POLB: variants seen among roughly 807,000 people sequenced by gnomAD.
POLB encodes 5'-dRP lyase.
A neutral mutation model predicts 52.7 loss-of-function variants in POLB; 37 were observed. The ratio of observed to expected loss-of-function variants is 0.70; its 90% CI spans 0.54 to 0.92. The LOEUF is 0.92. Among genes scored for constraint, POLB ranks in the 40% least tolerant of loss-of-function variants. The pLI is 0.00. For missense variants in POLB, 313 were observed against 400.8 expected, an observed-to-expected ratio of 0.78 and a Z score of 1.87; for synonymous variants, 138 against 131.3, an observed-to-expected ratio of 1.05 and a Z score of -0.35.
intron 13 of POLB, chr8:42,370,296 A>G (rs550042266): frequency 5.2e-4 from 207 of 398,774 alleles, no homozygotes; most frequent in Admixed American, 8.6e-4. Context: ...CTGTTGTTTA[A>G]TGTACCTCTA....
At chr8:42,361,516 C>A (rs921342908) in intron 10 of POLB, 151 bp downstream of exon 10, 1 of 624,776 alleles carries the variant, frequency 1.6e-6, no homozygotes. Context: ...CTGCGAAAGG[C>A]AAATTTCTCG....
At chr8:42,350,199 A>G (rs970591090) in intron 5 of POLB, 134 bp downstream of exon 5, 21 of 696,196 alleles carry the variant, frequency 3.0e-5, no homozygotes, top group Admixed American at 2.9e-4. Flanking sequence ...TCACCCTTCC[A>G]TAGCTTATGA....
At chr8:42,347,317 A>G (rs1005494740) in intron 3 of POLB, among the ~76,000 whole-genome samples, 2 of 132,402 alleles carry the variant, frequency 1.5e-5, no homozygotes, top group Non-Finnish European at 3.3e-5. Context: ...AAATTATTCT[A>G]GAATTACTCC....
chr8:42,355,724 C>T (rs1041884081), intron 7 of POLB, among the ~76,000 whole-genome samples, 157 bp downstream of exon 7: 3 of 152,192 alleles, frequency 2.0e-5, no homozygotes, highest in Non-Finnish European at 4.4e-5. Flanking sequence ...AGAGTATCTG[C>T]CTGTGTTCAC....
chr8:42,349,898 A>G (rs1297394907), intron 4 of POLB, 109 bp from the exon 5 acceptor site: 1 of 758,576 alleles, frequency 1.3e-6, no homozygotes, highest in Non-Finnish European at 2.3e-6. Flanking sequence ...CACCCAGGCA[A>G]ATGTAAATAG....
At chr8:42,344,828 A>T in intron 2 of POLB, 125 bp from the exon 3 acceptor site, 1 of 660,024 alleles carries the variant, frequency 1.5e-6, no homozygotes, top group Non-Finnish European at 2.6e-6. Flanking sequence ...AACAAAAAAA[A>T]AGAAAATTAG....
Position 42,362,660 on chromosome 8 carries a change from A to G in POLB, c.670A>G (p.Ile224Val), listed in dbSNP as rs1313860847. Residue 224 changes from isoleucine (I) to valine (V), a missense_variant, in exon 11 of 14, where the codon ATC becomes GTC. Around this residue, in one of 3 missense-constraint regions of POLB, gnomAD observed 246 missense variants for 297.6 expected, o/e 0.83. Transcript: ENST00000265421. The part of the protein sequence containing the change: ...VVEQLQKVHF[I>V]TDTLSKGETK... ...GGAGCAGTTACAAAAGGTTCATTTTATCACAGATACCCTGTCAAAGGGTGA... is the reference window on the plus strand; with the variant it reads ...GGAGCAGTTACAAAAGGTTCATTTTGTCACAGATACCCTGTCAAAGGGTGA... 3.1e-6 allele frequency: 5 copies of G among 1,610,472 alleles called. No individual in the cohort carries two copies. In the Admixed American group the frequency reaches 6.7e-5, roughly 22 times the overall value.
At chr8:42,342,912 C>T (rs1189632472) in intron 2 of POLB, among the ~76,000 whole-genome samples, 2 of 152,026 alleles carry the variant, frequency 1.3e-5, no homozygotes, top group Admixed American at 6.5e-5. Flanking sequence ...CCAAGGGCTG[C>T]GTGTGGTGGC....
At chr8:42,354,200 A>G (rs144621577) in intron 6 of POLB, among the ~76,000 whole-genome samples, 393 of 152,328 alleles carry the variant, frequency 2.6e-3, no homozygotes, top group African/African-American at 8.8e-3. Flanking sequence ...ATATCTGTCT[A>G]ACATACTCAG....
chr8:42,341,216 CTCT>C (rs1822182297), intron 2 of POLB, among the ~76,000 whole-genome samples: 1 of 152,168 alleles, frequency 6.6e-6, no homozygotes, highest in African/African-American at 2.4e-5. Flanking sequence ...ATAATATTTT[CTCT>C]TTACCTTGAT....
chr8:42,362,739 G>T (rs1369503328), intron 11 of POLB, 41 bp downstream of exon 11: 1 of 1,106,104 alleles, frequency 9.0e-7, no homozygotes, highest in South Asian at 1.3e-5. Flanking sequence ...AAAAAAACTT[G>T]GAGACTGTTC....
At chr8:42,367,694 G>A (rs1824128628) in intron 11 of POLB, among the ~76,000 whole-genome samples, 2 of 152,062 alleles carry the variant, frequency 1.3e-5, no homozygotes, top group East Asian at 1.9e-4. Context: ...TAAGCTAATA[G>A]TAATCAAACC....
intron 6 of POLB, among the ~76,000 whole-genome samples, chr8:42,353,090 A>C (rs760799022): frequency 1.3e-4 from 20 of 151,602 alleles, no homozygotes; most frequent in Admixed American, 6.6e-4. Flanking sequence ...AAAAAGAAGA[A>C]GACCAAGAAC....
At chr8:42,365,250 A>G (rs752353826) in intron 11 of POLB, among the ~76,000 whole-genome samples, 2 of 152,204 alleles carry the variant, frequency 1.3e-5, no homozygotes, top group Non-Finnish European at 2.9e-5. Flanking sequence ...AATGCTTCCA[A>G]ACGAACTTTG....
In POLB at chr8:42,371,588, G is replaced by A. The variant is rs1014523541; in HGVS notation, c.939G>A (p.Val313=). 9 of 1,611,998 alleles carry A rather than the reference G, an allele frequency of 5.6e-6. No homozygotes were observed. Among genetic ancestry groups the A allele is most frequent in the East Asian group, 2.2e-5 (1 of 44,862 alleles). The stretch of plus-strand genomic sequence containing the variant: ...GAGTTGCAGGAGAACCCCTGCCAGT[G>A]GATAGTGAAAAAGACATCTTTGATT... ...VTGVAGEPLP[V]DSEKDIFDYI... The change falls in exon 14 of 14, where the codon GTG becomes GTA. Residue 313 remains valine, a synonymous_variant. Coordinates refer to ENST00000265421, the MANE Select transcript of POLB (RefSeq NM_002690.3).
chr8:42,339,130 A>C (rs151179313), intron 2 of POLB, 61 bp downstream of exon 2: 3 of 1,297,436 alleles, frequency 2.3e-6, no homozygotes, highest in African/African-American at 1.5e-5. Flanking sequence ...TAGTGTGGCA[A>C]TTAACAGGAC....
chr8:42,350,892 A>G (rs1477558001), intron 5 of POLB, among the ~76,000 whole-genome samples: 2 of 149,084 alleles, frequency 1.3e-5, no homozygotes, highest in Middle Eastern at 3.2e-3. Context: ...TTTTTTAGAG[A>G]TAGTGTCTTA....
At chr8:42,364,185 C>G (rs1823900942) in intron 11 of POLB, among the ~76,000 whole-genome samples, 1 of 152,066 alleles carries the variant, frequency 6.6e-6, no homozygotes, top group African/African-American at 2.4e-5. Flanking sequence ...CCTCAGCCTC[C>G]CAAAGTACTG....
Position 42,361,320 on chromosome 8 carries a change from T to C in POLB, c.576T>C (p.Asp192=). ...GTGCAGAGTCCAGTGGTGACATGGA[T>C]GTTCTCCTGACCCATCCCAGCTTCA... The part of the protein sequence containing the change: ...RRGAESSGDM[D]VLLTHPSFTS... The change falls in exon 10 of 14, where the codon GAT becomes GAC. Residue 192 remains aspartate, a synonymous_variant. Transcript: ENST00000265421. 1 of 1,613,144 alleles carries C rather than the reference T, an allele frequency of 6.2e-7. No homozygotes were observed. Among genetic ancestry groups the C allele is most frequent in the Non-Finnish European group, 8.5e-7 (1 of 1,179,056 alleles).
Sources: gnomAD v4.1 joint callset for allele counts (sites outside exome capture counted in the v4.1 genomes callset) on GRCh38, gnomAD v4.1.1 for gene constraint, gnomAD v4.1.1 regional missense constraint, MANE v1.5 for transcripts, NCBI Gene and HGNC (gene_info 2026-07-23, HGNC 2026-07-21) for gene names.